The following IDO2 variants were observed in gnomAD, a reference collection of about 807,000 sequenced individuals.
IDO2 encodes indoleamine 2,3-dioxygenase-like 1 protein.
In IDO2, 46 loss-of-function variants were observed where a neutral mutation model predicts 45.1. That is an observed-to-expected ratio of 1.02 (90% CI 0.80 to 1.30). The LOEUF is 1.30. Ranked by LOEUF, IDO2 falls within the 50% of genes most tolerant of loss-of-function variation. The pLI is 0.00. For missense variants in IDO2, 544 were observed against 491.8 expected, an observed-to-expected ratio of 1.11 and a Z score of -1.00; for synonymous variants, 218 against 184.9, an observed-to-expected ratio of 1.18 and a Z score of -1.45.
At chr8:39,986,328 CCT>C (rs1284150284) in intron 6 of IDO2, 2 of 152,190 alleles carry the variant, frequency 1.3e-5, no homozygotes, top group Non-Finnish European at 2.9e-5. Context: ...TCCAGTGTTG[CCT>C]CTCCCATCAC....
rs183548167 is a variant in IDO2, at chr8:39,971,048, G to A, written c.195+7345G>A. 2.0e-5 allele frequency among the ~76,000 whole-genome samples: 3 copies of A among 152,290 alleles called. No individual in the cohort carries two copies. In the East Asian group the frequency reaches 5.8e-4, roughly 29 times the overall value. ...CAAAGTGCTGGGATTACAGGTGTGA[G>A]CCACTGCGCCCGGCCCAGGACTTTC... On this transcript the variant is annotated intron_variant, in intron 3 of 10. Transcript: ENST00000502986.
chr8:39,971,354 T>C (rs953087781), intron 3 of IDO2, among the ~76,000 whole-genome samples: 2 of 152,222 alleles, frequency 1.3e-5, no homozygotes, highest in Non-Finnish European at 2.9e-5. Flanking sequence ...AAAATATTAC[T>C]GCTTATTAAC....
At chr8:40,009,038 G>A (rs1278005338) in intron 9 of IDO2, among the ~76,000 whole-genome samples, 1 of 151,554 alleles carries the variant, frequency 6.6e-6, no homozygotes, top group Non-Finnish European at 1.5e-5. Flanking sequence ...TTTTTAGATG[G>A]AGGTCTCGCT....
intron 9 of IDO2, among the ~76,000 whole-genome samples, chr8:40,009,149 G>A (rs919633855): frequency 6.6e-6 from 1 of 152,106 alleles, no homozygotes; most frequent in African/African-American, 2.4e-5. Flanking sequence ...CAAGTAGCTG[G>A]GACTACAGGC....
intron 1 of IDO2, among the ~76,000 whole-genome samples, chr8:39,937,886 C>A (rs1352327956): frequency 1.3e-5 from 2 of 151,936 alleles, no homozygotes; most frequent in African/African-American, 4.8e-5. Context: ...ATGTAATGAT[C>A]AAAAAAGTGA....
Position 39,941,921 on chromosome 8 carries a change from C to CA in IDO2, c.-18+6709dup, listed in dbSNP as rs774530899. ...GCAACACAGCAAAACCCCATCTCTA[C>CA]AAAAAACAAAAATAAAAATTAGCCA... On this transcript the variant is annotated intron_variant, in intron 1 of 10. Transcript: ENST00000502986. Among the ~76,000 whole-genome samples the CA allele has an allele frequency of 9.2e-5, 14 of 151,752 alleles. No homozygotes were observed. In the East Asian group the frequency reaches 1.2e-3, roughly 13 times the overall value.
chr8:39,966,964 T>C (rs1470652629), intron 3 of IDO2, among the ~76,000 whole-genome samples: 1 of 152,186 alleles, frequency 6.6e-6, no homozygotes, highest in East Asian at 1.9e-4. Context: ...ATCCAGTATA[T>C]TGCCTTCCTA....
intron 6 of IDO2, 98 bp downstream of exon 6, chr8:39,985,620 A>C: frequency 1.0e-6 from 1 of 961,884 alleles, no homozygotes; most frequent in Non-Finnish European, 1.6e-6. Context: ...TATATGTATA[A>C]TATAATATCA....
chr8:40,002,074 C>T (rs1802146317), intron 8 of IDO2, among the ~76,000 whole-genome samples: 1 of 152,190 alleles, frequency 6.6e-6, no homozygotes, highest in African/African-American at 2.4e-5. Context: ...GTGTGAACCA[C>T]CATGCCTGGC....
intron 9 of IDO2, among the ~76,000 whole-genome samples, chr8:40,009,701 C>A (rs1802281896): frequency 6.6e-6 from 1 of 152,110 alleles, no homozygotes; most frequent in Non-Finnish European, 1.5e-5. Flanking sequence ...AGTAGATGTG[C>A]TTCTTTTATC....
intron 8 of IDO2, chr8:39,995,290 T>TCTTCTTCTTCTTCCTC (rs1174801048): frequency 4.3e-5 from 6 of 138,298 alleles, no homozygotes; most frequent in Admixed American, 2.2e-4. Context: ...TTCTTCTTCT[T>TCTTCTTCTTCTTCCTC]TTTTTTTTGA....
intron 6 of IDO2, chr8:39,987,609 G>T: frequency 2.9e-6 from 1 of 344,806 alleles, no homozygotes; most frequent in Non-Finnish European, 5.3e-6. Flanking sequence ...ATTCCACTGC[G>T]GAGATGGTCC....
chr8:39,968,043 A>T (rs960595969), intron 3 of IDO2, among the ~76,000 whole-genome samples: 2 of 151,190 alleles, frequency 1.3e-5, no homozygotes, highest in East Asian at 3.9e-4. Context: ...AAAAATCCAT[A>T]TATGAATGTT....
chr8:39,961,186 T>A (rs1304943893), intron 2 of IDO2, among the ~76,000 whole-genome samples: 1 of 152,220 alleles, frequency 6.6e-6, no homozygotes, highest in Non-Finnish European at 1.5e-5. Context: ...ATCTGCCTTG[T>A]GAATATTCTC....
At chr8:39,985,581 A>C in intron 6 of IDO2, 59 bp downstream of exon 6, 9 of 1,390,700 alleles carry the variant, frequency 6.5e-6, no homozygotes, top group Non-Finnish European at 9.0e-6. Flanking sequence ...AAAATCTTAC[A>C]ATAAAACAAA....
chr8:40,005,239 A>C, intron 8 of IDO2, 88 bp from the exon 9 acceptor site: 1 of 759,184 alleles, frequency 1.3e-6, no homozygotes, highest in South Asian at 2.7e-5. Flanking sequence ...ATAGGGAAGG[A>C]ACTCCGGGAC....
At chr8:40,000,445 T>C (rs2129595165) in intron 8 of IDO2, among the ~76,000 whole-genome samples, 2 of 152,170 alleles carry the variant, frequency 1.3e-5, no homozygotes, top group South Asian at 4.2e-4. Context: ...CAGCATATTA[T>C]CATGATATAT....
intron 10 of IDO2, among the ~76,000 whole-genome samples, chr8:40,014,892 T>TA (rs1802363214): frequency 6.6e-6 from 1 of 152,162 alleles, no homozygotes; most frequent in Non-Finnish European, 1.5e-5. Context: ...GTCATGCCTG[T>TA]AATCCCAAAA....
At chr8:40,011,202 C>T (rs1003265762) in intron 9 of IDO2, among the ~76,000 whole-genome samples, 2 of 152,228 alleles carry the variant, frequency 1.3e-5, no homozygotes, top group Non-Finnish European at 2.9e-5. Flanking sequence ...TGAGCCACCC[C>T]ATCCAGCTGG....
Sources: allele counts gnomAD v4.1 joint callset (sites outside exome capture counted in the v4.1 genomes callset), GRCh38; gene constraint gnomAD v4.1.1; transcripts MANE v1.5; gene names NCBI Gene and HGNC (gene_info 2026-07-23, HGNC 2026-07-21).